NAALADL2: variants seen among roughly 807,000 people sequenced by gnomAD.
NAALADL2 encodes the protein N-acetylated alpha-linked acidic dipeptidase like 2.
In NAALADL2, 76 loss-of-function variants were observed where a neutral mutation model predicts 87.2. The observed-to-expected ratio is 0.87, with a 90% CI of 0.72 to 1.05. The LOEUF is 1.05. NAALADL2 is among the 50% of genes least tolerant of loss of function. The pLI is 0.00. For missense variants in NAALADL2, 1,089 were observed against 945.8 expected (o/e 1.15, Z -1.99); for synonymous variants, 354 against 331.0 (o/e 1.07, Z -0.75).
intron 2 of NAALADL2, among the ~76,000 whole-genome samples, chr3:174,716,177 A>G (rs571388719): frequency 6.6e-6 from 1 of 152,284 alleles, no homozygotes. Flanking sequence ...CTATTGGGAA[A>G]GATCATATTC....
intron 9 of NAALADL2, among the ~76,000 whole-genome samples, chr3:175,524,467 G>A (rs1345731982): frequency 6.6e-6 from 1 of 151,940 alleles, no homozygotes; most frequent in Non-Finnish European, 1.5e-5. Flanking sequence ...CTACATTTTG[G>A]GAGATGAGGT....
chr3:175,275,104 G>A (rs912064414), intron 4 of NAALADL2, among the ~76,000 whole-genome samples: 2 of 152,156 alleles, frequency 1.3e-5, no homozygotes, highest in Non-Finnish European at 2.9e-5. Flanking sequence ...TGGTAGTAAA[G>A]ATATGTTGGC....
intron 10 of NAALADL2, among the ~76,000 whole-genome samples, chr3:175,624,791 C>T (rs914721262): frequency 6.6e-6 from 1 of 151,916 alleles, no homozygotes; most frequent in Non-Finnish European, 1.5e-5. Context: ...AGACTGAAAA[C>T]ATATCTGGAT....
At chr3:175,470,317 G>T (rs1724677914) in intron 8 of NAALADL2, among the ~76,000 whole-genome samples, 1 of 151,960 alleles carries the variant, frequency 6.6e-6, no homozygotes, top group African/African-American at 2.4e-5. Context: ...TAGTAATAGA[G>T]TATGATACAT....
chr3:175,249,914 A>T (rs1748703888), intron 3 of NAALADL2, among the ~76,000 whole-genome samples: 1 of 152,142 alleles, frequency 6.6e-6, no homozygotes. Context: ...CACGCCTGTA[A>T]TCCCAGCAAC....
At chr3:175,067,420 A>G (rs1323013248) in intron 1 of NAALADL2, among the ~76,000 whole-genome samples, 1 of 152,142 alleles carries the variant, frequency 6.6e-6, no homozygotes, top group African/African-American at 2.4e-5. Flanking sequence ...AACAGACATT[A>G]AAAGGTGGGC....
chr3:175,366,551 C>G (rs1765598538), intron 5 of NAALADL2, among the ~76,000 whole-genome samples: 1 of 151,768 alleles, frequency 6.6e-6, no homozygotes, highest in African/African-American at 2.4e-5. Context: ...GGTTGTCATT[C>G]TAACTGGTGT....
At chr3:175,575,376 C>T (rs771013667) in intron 9 of NAALADL2, among the ~76,000 whole-genome samples, 12 of 152,110 alleles carry the variant, frequency 7.9e-5, no homozygotes, top group African/African-American at 2.9e-4. Context: ...CCTCTGCCTC[C>T]TGGGTTCAAA....
chr3:175,587,370 T>G (rs1281950401), intron 10 of NAALADL2, among the ~76,000 whole-genome samples: 1 of 152,216 alleles, frequency 6.6e-6, no homozygotes, highest in Non-Finnish European at 1.5e-5. Context: ...GTATTTTCAG[T>G]TTTTTAGTTG....
rs577892380 is a variant in NAALADL2, at chr3:174,583,111, C to A, written c.-115+32474C>A. Among the ~76,000 whole-genome samples the A allele has an allele frequency of 8.5e-5, 13 of 152,256 alleles. No individual in the cohort carries two copies. The East Asian group carries it at 2.3e-3, about 27-fold the overall frequency. On this transcript the variant is annotated intron_variant, in intron 2 of 3. Transcript: ENST00000434257. ...AACAGAATAACTTAATACAAGGTTA[C>A]TAAATAGCAACCAGCTGAGATAACA...
At chr3:174,796,332 A>C (rs1704866255) in intron 3 of NAALADL2, among the ~76,000 whole-genome samples, 1 of 152,168 alleles carries the variant, frequency 6.6e-6, no homozygotes, top group South Asian at 2.1e-4. Context: ...AATAATGTAC[A>C]TTATACCCAT....
intron 3 of NAALADL2, among the ~76,000 whole-genome samples, chr3:174,791,849 A>G (rs1038720220): frequency 1.3e-5 from 2 of 152,132 alleles, no homozygotes; most frequent in African/African-American, 4.8e-5. Context: ...CTATTCATTG[A>G]GGTATTTTGT....
chr3:175,212,814 T>C (rs1296175667), intron 2 of NAALADL2, among the ~76,000 whole-genome samples: 1 of 152,164 alleles, frequency 6.6e-6, no homozygotes. Flanking sequence ...GAGTTGCTGA[T>C]TCAGAAAGTT....
intron 4 of NAALADL2, among the ~76,000 whole-genome samples, chr3:175,314,694 A>G (rs1281331839): frequency 2.4e-5 from 2 of 82,750 alleles, no homozygotes; most frequent in Non-Finnish European, 4.7e-5. Flanking sequence ...ATATATATAT[A>G]TATATATATA....
intron 1 of NAALADL2, among the ~76,000 whole-genome samples, chr3:175,026,051 T>C (rs1242377132): frequency 1.3e-5 from 2 of 152,088 alleles, no homozygotes; most frequent in African/African-American, 2.4e-5. Context: ...GCTCAAACCA[T>C]ACACTTGCCT....
intron 1 of NAALADL2, among the ~76,000 whole-genome samples, chr3:174,940,459 G>A (rs1276169022): frequency 6.6e-6 from 1 of 152,074 alleles, no homozygotes; most frequent in Non-Finnish European, 1.5e-5. Flanking sequence ...CAGAATATTG[G>A]CCTGAAATTT....
At chr3:174,883,060 G>A (rs530488016) in intron 1 of NAALADL2, among the ~76,000 whole-genome samples, 1 of 151,996 alleles carries the variant, frequency 6.6e-6, no homozygotes, top group East Asian at 1.9e-4. Flanking sequence ...GATGTTCAAG[G>A]GCAGGAAGCA....
At chr3:175,416,299 A>G (rs1560515930) in intron 5 of NAALADL2, among the ~76,000 whole-genome samples, 1 of 152,184 alleles carries the variant, frequency 6.6e-6, no homozygotes, top group African/African-American at 2.4e-5. Flanking sequence ...TGTTGTGATT[A>G]AAAGTAAATT....
rs1174139181 is a variant in NAALADL2 at position 175,805,063 on chromosome 3, A to G, written c.*1860A>G. 6.6e-6 allele frequency: 1 copy of G among 151,928 alleles called. No homozygotes were observed. The highest frequency in any genetic ancestry group is 1.5e-5 in the Non-Finnish European group (1 of 67,898). 9.4% of individuals were successfully genotyped at this position (151,928 alleles called of 1,614,324 possible). On this transcript the variant is annotated 3_prime_UTR_variant, in exon 14 of 14. Coordinates refer to ENST00000454872, the MANE Select transcript of NAALADL2 (RefSeq NM_207015.3). Reference sequence around the variant, plus strand: ...TTTCTTCCTCTTCAGAGATCATCAGAAAAGAGGTGGGAATACACAAGCAGG... The same window carrying G: ...TTTCTTCCTCTTCAGAGATCATCAGGAAAGAGGTGGGAATACACAAGCAGG...
Sources: allele counts gnomAD v4.1 joint callset (sites outside exome capture counted in the v4.1 genomes callset), GRCh38; gene constraint gnomAD v4.1.1; transcripts MANE v1.5; gene names NCBI Gene and HGNC (gene_info 2026-07-23, HGNC 2026-07-21).